The following DHRSX variants were observed in gnomAD, a reference collection of about 807,000 sequenced individuals.
DHRSX encodes the protein polyprenol dehydrogenase.
In DHRSX, 31 loss-of-function variants were observed where a neutral mutation model predicts 34.0. The ratio of observed to expected loss-of-function variants is 0.91; its 90% CI spans 0.69 to 1.23. The LOEUF (loss-of-function observed/expected upper bound fraction) is 1.23. Among genes scored for constraint, DHRSX ranks in the 50% most tolerant of loss-of-function variants. DHRSX has a pLI of 0.00. For synonymous variants in DHRSX, 201 were observed against 183.8 expected (o/e 1.09, Z -0.76); for missense variants, 414 against 428.1 (o/e 0.97, Z 0.29).
intron 1 of DHRSX, among the ~76,000 whole-genome samples, chrX:2,497,500 C>T (rs1257499788): frequency 1.3e-5 from 2 of 151,968 alleles, no homozygotes; most frequent in East Asian, 1.9e-4. Flanking sequence ...TTTCCCTTTA[C>T]AGGTTAAAAA....
intron 3 of DHRSX, among the ~76,000 whole-genome samples, chrX:2,341,231 C>G (rs2042636173): frequency 6.6e-6 from 1 of 152,094 alleles, no homozygotes; most frequent in Non-Finnish European, 1.5e-5. Flanking sequence ...ATTCCAGACT[C>G]ATGTTCTCCA....
intron 4 of DHRSX, among the ~76,000 whole-genome samples, chrX:2,284,985 T>C (rs1427481378): frequency 6.6e-6 from 1 of 152,204 alleles, no homozygotes; most frequent in Non-Finnish European, 1.5e-5. Context: ...GGGGCTGTTT[T>C]CCATGAGACT....
chrX:2,320,900 A>G (rs2042303586), intron 3 of DHRSX, among the ~76,000 whole-genome samples: 1 of 152,140 alleles, frequency 6.6e-6, no homozygotes, highest in African/African-American at 2.4e-5. Flanking sequence ...GTCCACGTAC[A>G]GCCTGTCTGC....
At chrX:2,234,593 A>G (rs1019309559) in intron 6 of DHRSX, among the ~76,000 whole-genome samples, 1 of 152,280 alleles carries the variant, frequency 6.6e-6, no homozygotes, top group East Asian at 1.9e-4. Context: ...TAATATAAAG[A>G]AAGTACAGTA....
intron 1 of DHRSX, among the ~76,000 whole-genome samples, chrX:2,499,797 C>T (rs1428110011): frequency 1.3e-5 from 2 of 152,140 alleles, no homozygotes; most frequent in East Asian, 1.9e-4. Context: ...GTAATCCCAA[C>T]AGTTTGGGAG....
At chrX:2,437,375 G>C (rs1434813341) in intron 1 of DHRSX, among the ~76,000 whole-genome samples, 6 of 152,124 alleles carry the variant, frequency 3.9e-5, no homozygotes, top group Admixed American at 3.9e-4. Context: ...GGAGGCCGAG[G>C]TAGAAAAATC....
At chrX:2,245,095 T>A (rs1405941511) in intron 5 of DHRSX, among the ~76,000 whole-genome samples, 1 of 152,050 alleles carries the variant, frequency 6.6e-6, no homozygotes, top group African/African-American at 2.4e-5. Context: ...AGCGGGAAGC[T>A]CAAAGGAAAA....
rs34637935 is a variant in DHRSX at position 2,220,964 on chromosome X, C to T, written c.*77G>A. ...AGGTGGGTGTGAGAAACTCAAACAC[C>T]GCAGTCTTCACAGACCCACAAGCTA... On this transcript the variant is annotated 3_prime_UTR_variant, in exon 7 of 7. Transcript: ENST00000334651. 9.5e-3 allele frequency: 13,737 copies of T among 1,447,372 alleles called. 143 individuals are homozygous for T. The highest frequency in any genetic ancestry group is 0.033 in the Middle Eastern group (173 of 5,174). The allele number at this position is 1,447,372 out of a possible 1,614,324, so 89.7% of individuals were successfully genotyped here. A position where few individuals can be genotyped will look rare whatever the true frequency, so the allele number is the denominator to read the frequency against.
In DHRSX at chrX:2,473,033, T is replaced by C. The variant is rs1043429633; in HGVS notation, c.109+27784A>G. Among the ~76,000 whole-genome samples, 86 of 152,102 alleles carry C rather than the reference T, an allele frequency of 5.7e-4. 1 individual carries two copies. The highest frequency in any genetic ancestry group is 4.7e-3 in the Admixed American group (72 of 15,276). ...TCAAAGAATGGGTACCACAACTTACTGTCCACTGCAAAGCTCCATGGCACC... is the reference window on the plus strand; with the variant it reads ...TCAAAGAATGGGTACCACAACTTACCGTCCACTGCAAAGCTCCATGGCACC... On this transcript the variant is annotated intron_variant, in intron 1 of 6. Coordinates refer to ENST00000334651, the MANE Select transcript of DHRSX (RefSeq NM_145177.3).
chrX:2,457,530 C>T (rs1177316560), intron 1 of DHRSX, among the ~76,000 whole-genome samples: 1 of 151,940 alleles, frequency 6.6e-6, no homozygotes, highest in Non-Finnish European at 1.5e-5. Flanking sequence ...AGGCATGTGG[C>T]CAAGGGACCG....
chrX:2,382,950 A>G (rs1409414377), intron 3 of DHRSX, among the ~76,000 whole-genome samples: 1 of 148,204 alleles, frequency 6.7e-6, no homozygotes, highest in Non-Finnish European at 1.5e-5. Context: ...CATCATTATC[A>G]TTTCTATCAT....
intron 4 of DHRSX, among the ~76,000 whole-genome samples, chrX:2,287,623 GA>G (rs1401019141): frequency 1.3e-5 from 2 of 151,892 alleles, no homozygotes; most frequent in African/African-American, 4.8e-5. Context: ...CCATGTGGAA[GA>G]CAGAATAATG....
chrX:2,322,303 C>T (rs2042321045), intron 3 of DHRSX, among the ~76,000 whole-genome samples: 2 of 152,098 alleles, frequency 1.3e-5, no homozygotes, highest in Admixed American at 1.3e-4. Flanking sequence ...AATCTCCACA[C>T]TTTGGGACGC....
At chrX:2,454,313 G>A (rs996724707) in intron 1 of DHRSX, among the ~76,000 whole-genome samples, 2 of 152,078 alleles carry the variant, frequency 1.3e-5, no homozygotes, top group Non-Finnish European at 2.9e-5. Flanking sequence ...GATCACCTGA[G>A]GTCAGGAGTT....
At chrX:2,355,701 G>A (rs1198399469) in intron 3 of DHRSX, among the ~76,000 whole-genome samples, 4 of 151,962 alleles carry the variant, frequency 2.6e-5, no homozygotes, top group Non-Finnish European at 5.9e-5. Flanking sequence ...TGCCGGAAAC[G>A]AGTAGGAGAT....
intron 3 of DHRSX, among the ~76,000 whole-genome samples, chrX:2,317,256 C>CTTTTTTTTT (rs779722860): frequency 0.011 from 994 of 87,400 alleles, 150 homozygotes; most frequent in African/African-American, 0.04. Context: ...CCGCGCCTGG[C>CTTTTTTTTT]TTTTTTTTTT....
intron 3 of DHRSX, among the ~76,000 whole-genome samples, chrX:2,325,431 A>G (rs966156329): frequency 1.4e-3 from 214 of 151,386 alleles, no homozygotes; most frequent in Admixed American, 2.3e-3. Flanking sequence ...CCATCTTCCC[A>G]GCAGGAACTA....
At chrX:2,291,471 C>T (rs2041864064) in intron 4 of DHRSX, 31 bp downstream of exon 4, 1 of 1,556,464 alleles carries the variant, frequency 6.4e-7, no homozygotes, top group Non-Finnish European at 8.9e-7. Flanking sequence ...CAAATTAACC[C>T]CTGGCTTGCT....
At chrX:2,343,954 G>A (rs1236366423) in intron 3 of DHRSX, among the ~76,000 whole-genome samples, 5 of 152,148 alleles carry the variant, frequency 3.3e-5, no homozygotes, top group African/African-American at 1.2e-4. Flanking sequence ...AGTACTCCAA[G>A]GGCTCAAGCC....
Sources: gnomAD v4.1 joint callset for allele counts (sites outside exome capture counted in the v4.1 genomes callset) on GRCh38, gnomAD v4.1.1 for gene constraint, MANE v1.5 for transcripts, NCBI Gene and HGNC (gene_info 2026-07-23, HGNC 2026-07-21) for gene names.